Variants in SLMAP observed in about 807,000 individuals in gnomAD.
The protein encoded by SLMAP is sarcolemmal membrane-associated protein.
Under a neutral mutation model 128.8 loss-of-function variants are expected in SLMAP, and 44 were observed. That is an observed-to-expected ratio of 0.34 (90% CI 0.27 to 0.44). The LOEUF is 0.44. Ranked by LOEUF, SLMAP falls within the 20% of genes least tolerant of loss-of-function variation. The pLI is 1.00. For missense variants in SLMAP, 787 were observed against 985.3 expected (o/e 0.80, Z 2.69); for synonymous variants, 327 against 348.8 (o/e 0.94, Z 0.70).
At chr3:57,793,212 C>T (rs892129446) in intron 2 of SLMAP, among the ~76,000 whole-genome samples, 1 of 152,128 alleles carries the variant, frequency 6.6e-6, no homozygotes, top group African/African-American at 2.4e-5. Context: ...CAGGCTTACA[C>T]CCCTACACCC....
chr3:57,853,665 G>T (rs1372701902), intron 6 of SLMAP, among the ~76,000 whole-genome samples: 1 of 151,868 alleles, frequency 6.6e-6, no homozygotes, highest in Admixed American at 6.6e-5. Context: ...CTTTGGGCTG[G>T]GCACGGTGGC....
At chr3:57,884,029 A>G (rs888551098) in intron 14 of SLMAP, among the ~76,000 whole-genome samples, 2 of 147,604 alleles carry the variant, frequency 1.4e-5, no homozygotes, top group Non-Finnish European at 3.0e-5. Flanking sequence ...CCTCGCAGGT[A>G]TCGATCCTCC....
chr3:57,812,479 A>C (rs1281133418), intron 2 of SLMAP, among the ~76,000 whole-genome samples: 2 of 152,162 alleles, frequency 1.3e-5, no homozygotes, highest in Non-Finnish European at 2.9e-5. Context: ...TGTTTTGATT[A>C]GTGTAGCTTT....
At chr3:57,873,465 T>C (rs550809605) in intron 14 of SLMAP, among the ~76,000 whole-genome samples, 251 of 152,092 alleles carry the variant, frequency 1.7e-3, no homozygotes, top group Middle Eastern at 0.014. Flanking sequence ...GTTGTGCCAC[T>C]GCACTCCAGC....
At chr3:57,785,303 T>A (rs1293224972) in intron 2 of SLMAP, among the ~76,000 whole-genome samples, 1 of 152,216 alleles carries the variant, frequency 6.6e-6, no homozygotes, top group Non-Finnish European at 1.5e-5. Context: ...TAGGATTTTC[T>A]GAGCAGTTGA....
intron 9 of SLMAP, among the ~76,000 whole-genome samples, chr3:57,861,069 C>T (rs1225083288): frequency 6.6e-6 from 1 of 152,142 alleles, no homozygotes; most frequent in East Asian, 1.9e-4. Context: ...ACCAGGGAAT[C>T]TTATTGTTTG....
At chr3:57,796,309 G>A (rs937153365) in intron 2 of SLMAP, among the ~76,000 whole-genome samples, 1 of 152,184 alleles carries the variant, frequency 6.6e-6, no homozygotes, top group African/African-American at 2.4e-5. Flanking sequence ...GCTGTTTTGT[G>A]TATTTGTAAT....
At chr3:57,868,746 G>A (rs1307585528) in intron 13 of SLMAP, among the ~76,000 whole-genome samples, 2 of 145,006 alleles carry the variant, frequency 1.4e-5, no homozygotes, top group African/African-American at 2.5e-5. Context: ...AAAAATTCTG[G>A]CAGCCACATT....
rs982498226 is a variant in SLMAP at position 57,917,271 on chromosome 3, G to T, written c.2310+194G>T. The stretch of plus-strand genomic sequence containing the variant: ...CATATGTAGAGAATTCTTCAGTAGG[G>T]TTGGTCTCAAAAATATAATATACAA... On this transcript the variant is annotated intron_variant, in intron 22 of 24. Transcript: ENST00000671191. 4.3e-6 allele frequency: 6 copies of T among 1,398,984 alleles called. No homozygotes were observed. In the African/African-American group the frequency reaches 8.7e-5, roughly 20 times the overall value. 86.7% of individuals were successfully genotyped at this position (1,398,984 alleles called of 1,614,324 possible).
At chr3:57,922,047 G>A (rs2096929175) in intron 22 of SLMAP, among the ~76,000 whole-genome samples, 1 of 152,192 alleles carries the variant, frequency 6.6e-6, no homozygotes. Flanking sequence ...CCCAATCATA[G>A]TGGTCGGTAC....
Position 57,757,100 on chromosome 3 carries a change from C to T in SLMAP, c.-552C>T, listed in dbSNP as rs757944761. The T allele has an allele frequency of 8.8e-5, 15 of 170,882 alleles. No homozygotes were observed. The highest frequency in any genetic ancestry group is 1.3e-5 in the Non-Finnish European group (1 of 78,908). 10.6% of individuals were successfully genotyped at this position (170,882 alleles called of 1,614,324 possible). A position where few individuals can be genotyped will look rare whatever the true frequency, so the allele number is the denominator to read the frequency against. On this transcript the variant is annotated 5_prime_UTR_variant, in exon 2 of 25. Coordinates refer to ENST00000671191, the MANE Select transcript of SLMAP (RefSeq NM_001377540.1). The stretch of plus-strand genomic sequence containing the variant: ...TCTAGAGCCCCTCCGTCTCCGTCAC[C>T]TCTCGCCCCTTCACTCCGGGCGAGG...
intron 3 of SLMAP, among the ~76,000 whole-genome samples, chr3:57,833,551 C>T (rs545284529): frequency 5.9e-5 from 9 of 151,920 alleles, no homozygotes; most frequent in Non-Finnish European, 1.3e-4. Flanking sequence ...TCTCGAGTAG[C>T]TGGGACTACA....
rs572366463 is a variant in SLMAP at position 57,786,553 on chromosome 3, T to C, written c.198+28704T>C. ...ACTTCCCAAGTGAAAATTATATAGCTTTTTTTTTTTTTTTTTTTTTAAAGA... is the reference window on the plus strand; with the variant it reads ...ACTTCCCAAGTGAAAATTATATAGCCTTTTTTTTTTTTTTTTTTTTAAAGA... On this transcript the variant is annotated intron_variant, in intron 2 of 24. Transcript: ENST00000671191. Among the ~76,000 whole-genome samples the C allele has an allele frequency of 7.7e-4, 95 of 124,110 alleles. 1 individual carries two copies. The highest frequency in any genetic ancestry group is 7.2e-3 in the Admixed American group (87 of 12,014). The allele number at this position is 124,110 out of a possible 152,430, so 81.4% of individuals were successfully genotyped here.
At chr3:57,859,555 T>TA (rs1399976326) in intron 8 of SLMAP, among the ~76,000 whole-genome samples, 6 of 151,794 alleles carry the variant, frequency 4.0e-5, no homozygotes, top group Admixed American at 2.6e-4. Flanking sequence ...ACCCTGTCTC[T>TA]AAAAAAACGA....
chr3:57,831,885 C>A (rs1444892381), intron 3 of SLMAP, among the ~76,000 whole-genome samples: 1 of 152,122 alleles, frequency 6.6e-6, no homozygotes, highest in Non-Finnish European at 1.5e-5. Context: ...TCAATGAGAT[C>A]ATCAGGGATC....
chr3:57,855,760 G>A (rs183187482), intron 6 of SLMAP, among the ~76,000 whole-genome samples: 21 of 150,624 alleles, frequency 1.4e-4, no homozygotes, highest in Admixed American at 1.3e-3. Flanking sequence ...ATATTAGCTG[G>A]AGGTTGGGTG....
intron 17 of SLMAP, among the ~76,000 whole-genome samples, chr3:57,906,310 C>CTTTTTTTTCTTTTTTTTTTTT (rs2096550422): frequency 6.4e-5 from 3 of 47,048 alleles, no homozygotes; most frequent in African/African-American, 2.1e-4. Context: ...CTTTTTTTTT[C>CTTTTTTTTCTTTTTTTTTTTT]TTTTTTTTTT....
At chr3:57,828,837 TGG>T in intron 2 of SLMAP, among the ~76,000 whole-genome samples, 2 of 152,256 alleles carry the variant, frequency 1.3e-5, no homozygotes, top group East Asian at 3.9e-4. Context: ...TGGAGTATAG[TGG>T]CATGATTATG....
rs541191292 is a variant in SLMAP at position 57,816,874 on chromosome 3, G to A, written c.199-14509G>A. On this transcript the variant is annotated intron_variant, in intron 2 of 24. Transcript: ENST00000671191. The stretch of plus-strand genomic sequence containing the variant: ...AGAGTATGAGTGGGTGGAAGCAAAG[G>A]GCTTTTGAAGTCCAAGAGCAGCATA... Among the ~76,000 whole-genome samples the A allele has an allele frequency of 2.2e-4, 34 of 152,302 alleles. No homozygotes were observed. The East Asian group carries it at 6.2e-3, about 28-fold the overall frequency.
Sources: allele counts gnomAD v4.1 joint callset (sites outside exome capture counted in the v4.1 genomes callset), GRCh38; gene constraint gnomAD v4.1.1; transcripts MANE v1.5; gene names NCBI Gene and HGNC (gene_info 2026-07-23, HGNC 2026-07-21).